PCDHGB1: variants seen among roughly 807,000 people sequenced by gnomAD.
PCDHGB1 encodes protocadherin gamma subfamily B, 1.
Under a neutral mutation model 56.6 loss-of-function variants are expected in PCDHGB1, and 34 were observed. That is an observed-to-expected ratio of 0.60 (90% CI 0.46 to 0.80). The LOEUF (loss-of-function observed/expected upper bound fraction) is 0.80, where lower values mean the gene tolerates loss of function less well. Among genes scored for constraint, PCDHGB1 ranks in the 30% least tolerant of loss-of-function variants. The pLI, the probability that PCDHGB1 is intolerant of heterozygous loss-of-function variation, is 0.00. For synonymous variants in PCDHGB1, 561 were observed against 505.9 expected, an observed-to-expected ratio of 1.11 and a Z score of -1.46; for missense variants, 1,278 against 1,204.6, an observed-to-expected ratio of 1.06 and a Z score of -0.90.
intron 1 of PCDHGB1, chr5:141,384,638 G>A: frequency 1.2e-6 from 2 of 1,614,188 alleles, no homozygotes; most frequent in Non-Finnish European, 8.5e-7. Flanking sequence ...CTGGCACCCC[G>A]CTCCGCAGAG....
In PCDHGB1 at chr5:141,459,764, A is replaced by G. The variant is rs980972909; in HGVS notation, c.2410-35043A>G. On this transcript the variant is annotated intron_variant, in intron 1 of 3. Transcript: ENST00000523390. ...TTTTAGCAATTCTAGTGGGTGTGTG[A>G]TACTATCTCATTGAAGTTTCAACTG... Among the ~76,000 whole-genome samples, 56 of 152,208 alleles carry G rather than the reference A, an allele frequency of 3.7e-4. 1 individual carries two copies. Among genetic ancestry groups the G allele is most frequent in the Admixed American group, 6.5e-5 (1 of 15,274 alleles).
At chr5:141,353,287 T>C (rs747205699) in intron 1 of PCDHGB1, among the ~76,000 whole-genome samples, 3 of 152,228 alleles carry the variant, frequency 2.0e-5, no homozygotes, top group Non-Finnish European at 4.4e-5. Flanking sequence ...GTCATTTTAT[T>C]CTTAGCTCTT....
intron 1 of PCDHGB1, chr5:141,371,904 T>A (rs1375493299): frequency 6.2e-7 from 1 of 1,613,398 alleles, no homozygotes. Context: ...GCTGTCGTCC[T>A]ACGTGTCCGT....
At chr5:141,387,955 T>C in intron 1 of PCDHGB1, 1 of 1,493,874 alleles carries the variant, frequency 6.7e-7, no homozygotes. Flanking sequence ...CTGCTGTCTT[T>C]GTTCTGCCCG....
intron 1 of PCDHGB1, chr5:141,409,412 C>T (rs1261631725): frequency 1.2e-6 from 2 of 1,614,032 alleles, no homozygotes; most frequent in Non-Finnish European, 1.7e-6. Flanking sequence ...CTACTACAAA[C>T]TGGTGACAGA....
intron 1 of PCDHGB1, chr5:141,383,873 C>A: frequency 6.2e-7 from 1 of 1,613,928 alleles, no homozygotes; most frequent in Non-Finnish European, 8.5e-7. Flanking sequence ...CAAGATGGTC[C>A]TGGTAGTCTG....
intron 1 of PCDHGB1, chr5:141,400,677 ATTGTGAGTT>A (rs1177028391): frequency 1.1e-6 from 1 of 900,130 alleles, no homozygotes; most frequent in African/African-American, 1.7e-5. Flanking sequence ...GGAGCAGTAA[ATTGTGAGTT>A]TTTATGTCGC....
At chr5:141,418,539 A>G (rs984639830) in intron 1 of PCDHGB1, 14 of 1,614,034 alleles carry the variant, frequency 8.7e-6, no homozygotes, top group Non-Finnish European at 1.0e-5. Context: ...GGTACTGCTC[A>G]GATAAGAATC....
intron 1 of PCDHGB1, chr5:141,398,587 C>A (rs2093675414): frequency 6.2e-7 from 1 of 1,613,860 alleles, no homozygotes. Flanking sequence ...AAGATTTATA[C>A]TAGAAGTAGC....
chr5:141,412,396 A>G (rs2095553141), intron 1 of PCDHGB1: 1 of 152,216 alleles, frequency 6.6e-6, no homozygotes, highest in Non-Finnish European at 1.5e-5. Flanking sequence ...TTTAACTTGT[A>G]TCCCTGTAAG....
In PCDHGB1 at chr5:141,489,255, A is replaced by G. The variant is rs909780010; in HGVS notation, c.2410-5552A>G. 2 of 1,548,804 alleles carry G rather than the reference A, an allele frequency of 1.3e-6. No individual in the cohort carries two copies. Among genetic ancestry groups the G allele is most frequent in the Non-Finnish European group, 1.7e-6 (2 of 1,147,848 alleles). On this transcript the variant is annotated intron_variant, in intron 1 of 3. Coordinates refer to ENST00000523390, the MANE Select transcript of PCDHGB1 (RefSeq NM_018922.3). The surrounding 1 kb of genome is among the most constrained non-coding windows in gnomAD (Gnocchi z 4.5). ...ACTTCTGGGTCATGGGGCCCAAGAC[A>G]CTCCCACAGCTCGCTGGGAAATGGC...
In PCDHGB1 at chr5:141,432,059, A is replaced by G. The variant is rs752124614; in HGVS notation, c.2410-62748A>G. The stretch of plus-strand genomic sequence containing the variant: ...TGACCGGGGAACCCCGCCCCTATCC[A>G]CGGAAACTCATATCTCGCTGAACGT... On this transcript the variant is annotated intron_variant, in intron 1 of 3. Coordinates refer to ENST00000523390, the MANE Select transcript of PCDHGB1 (RefSeq NM_018922.3). The surrounding 1 kb of genome is among the most constrained non-coding windows in gnomAD (Gnocchi z 6.0). 17 of 1,614,052 alleles carry G rather than the reference A, an allele frequency of 1.1e-5. No individual in the cohort carries two copies. The highest frequency in any genetic ancestry group is 1.3e-5 in the African/African-American group (1 of 74,918).
intron 1 of PCDHGB1, among the ~76,000 whole-genome samples, chr5:141,443,122 A>C (rs1239492679): frequency 6.6e-6 from 1 of 152,138 alleles, no homozygotes; most frequent in East Asian, 1.9e-4. Flanking sequence ...TTCAAACCAG[A>C]TTAAGAACAC....
intron 1 of PCDHGB1, chr5:141,392,144 A>G (rs1172213450): frequency 6.6e-6 from 1 of 152,224 alleles, no homozygotes; most frequent in Admixed American, 6.5e-5. Flanking sequence ...AGTAGTTTAA[A>G]CCAAATAAAA....
intron 1 of PCDHGB1, among the ~76,000 whole-genome samples, chr5:141,472,213 C>T (rs1294676431): frequency 2.0e-5 from 3 of 152,178 alleles, no homozygotes; most frequent in African/African-American, 7.2e-5. Flanking sequence ...TAAGACCTTA[C>T]TCTCGATCAT....
intron 1 of PCDHGB1, among the ~76,000 whole-genome samples, chr5:141,462,745 TATG>T (rs1249238113): frequency 6.6e-6 from 1 of 152,262 alleles, no homozygotes; most frequent in Non-Finnish European, 1.5e-5. Flanking sequence ...CTGTAATTCC[TATG>T]ATGATTTTCT....
At chr5:141,466,965 C>A (rs1345790988) in intron 1 of PCDHGB1, among the ~76,000 whole-genome samples, 1 of 152,016 alleles carries the variant, frequency 6.6e-6, no homozygotes, top group East Asian at 1.9e-4. Context: ...CAAATATTTT[C>A]TCACAGCTCA....
At chr5:141,381,826 C>CTTTTTTTTT (rs770630741) in intron 1 of PCDHGB1, among the ~76,000 whole-genome samples, 22 of 74,282 alleles carry the variant, frequency 3.0e-4, no homozygotes, top group African/African-American at 5.6e-4. Context: ...CTTTCTTCTT[C>CTTTTTTTTT]TTTTTTTTTT....
At chr5:141,478,118 G>C in intron 1 of PCDHGB1, 2 of 1,614,048 alleles carry the variant, frequency 1.2e-6, no homozygotes, top group African/African-American at 1.3e-5. Context: ...GTCAGTAACC[G>C]AGGACTCTCC....
Sources: gnomAD v4.1 joint callset for allele counts (sites outside exome capture counted in the v4.1 genomes callset) on GRCh38, gnomAD v4.1.1 for gene constraint, Gnocchi (gnomAD v3.1) non-coding constraint, MANE v1.5 for transcripts, NCBI Gene and HGNC (gene_info 2026-07-23, HGNC 2026-07-21) for gene names.